Variants in DMD observed in about 807,000 individuals in gnomAD.
DMD encodes dystrophin.
DMD carries 63 observed loss-of-function variants against 330.1 expected under a neutral mutation model. That is an observed-to-expected ratio of 0.19 (90% CI 0.16 to 0.24). The LOEUF (loss-of-function observed/expected upper bound fraction) is 0.24. DMD is among the 10% of genes least tolerant of loss of function. The pLI is 1.00. For synonymous variants in DMD, 1,223 were observed against 959.8 expected (o/e 1.27, Z -5.07); for missense variants, 3,344 against 2,684.1 (o/e 1.25, Z -5.43).
At chrX:33,209,996 T>C in intron 1 of DMD, among the ~76,000 whole-genome samples, 1 of 110,198 alleles carries the variant, frequency 9.1e-6, no homozygotes, top group Non-Finnish European at 1.9e-5. Context: ...AAAATAAAAA[T>C]GTGTGTGTAT....
At chrX:32,719,688 T>C (rs2066071498) in intron 7 of DMD, among the ~76,000 whole-genome samples, 1 of 111,691 alleles carries the variant, frequency 9.0e-6, no homozygotes, top group African/African-American at 3.2e-5. Flanking sequence ...TTTGTGTTCT[T>C]ATTTAAGTTA....
Position 32,503,693 on chromosome X carries a change from T to C in DMD, c.2293-1851A>G, listed in dbSNP as rs369686579. On this transcript the variant is annotated intron_variant, in intron 18 of 78. Coordinates refer to ENST00000357033, the MANE Select transcript of DMD (RefSeq NM_004006.3). ...GCTTCAGCCTCCCGAGTAGCCGGGA[T>C]TACAGGCGTGCACCACCACGCCCAG... Among the ~76,000 whole-genome samples, 40 of 110,150 alleles carry C rather than the reference T, an allele frequency of 3.6e-4. No individual in the cohort carries two copies. The East Asian group carries it at 8.9e-3, about 25-fold the overall frequency.
chrX:33,032,602 T>C (rs942770001), intron 1 of DMD, among the ~76,000 whole-genome samples: 31 of 112,494 alleles, frequency 2.8e-4, no homozygotes, highest in African/African-American at 9.7e-4. Flanking sequence ...TCAGAATATA[T>C]TATCTTTTAA....
chrX:31,244,510 T>C (rs1478658099), intron 63 of DMD, among the ~76,000 whole-genome samples: 1 of 111,895 alleles, frequency 8.9e-6, no homozygotes, highest in Non-Finnish European at 1.9e-5. Flanking sequence ...TTCTTAAAGA[T>C]TTCCTTCCAT....
Position 32,573,650 on chromosome X carries a change from A to T in DMD, c.1705-13T>A. The T allele has an allele frequency of 8.3e-7, 1 of 1,199,313 alleles. No homozygotes were observed. Among genetic ancestry groups the T allele is most frequent in the Non-Finnish European group, 1.1e-6 (1 of 884,018 alleles). On this transcript the variant is annotated splice_polypyrimidine_tract_variant and intron_variant, in intron 14 of 78. Transcript: ENST00000357033. Reference sequence around the variant, plus strand: ...CACTAAAAAGGCACTGCAAGACATTAAAGAATTCCAAGGAATAAATAAACA... The same window carrying T: ...CACTAAAAAGGCACTGCAAGACATTTAAGAATTCCAAGGAATAAATAAACA...
intron 6 of DMD, among the ~76,000 whole-genome samples, chrX:32,815,424 A>G (rs1414202342): frequency 1.9e-5 from 2 of 103,942 alleles, no homozygotes; most frequent in Non-Finnish European, 3.9e-5. Context: ...GGTTGGGTAA[A>G]TGAAACGGGT....
At chrX:31,693,662 T>G (rs765798711) in intron 52 of DMD, among the ~76,000 whole-genome samples, 46 of 111,091 alleles carry the variant, frequency 4.1e-4, no homozygotes, top group Non-Finnish European at 7.0e-4. Flanking sequence ...AAAATAGAAA[T>G]TAAGGAAACA....
chrX:32,570,705 G>C (rs2052319720), intron 15 of DMD, among the ~76,000 whole-genome samples: 1 of 111,263 alleles, frequency 9.0e-6, no homozygotes, highest in Non-Finnish European at 1.9e-5. Flanking sequence ...GTTTTTTCTT[G>C]ATCTCGATTT....
intron 34 of DMD, among the ~76,000 whole-genome samples, chrX:32,366,151 A>T (rs2097853760): frequency 8.9e-6 from 1 of 112,349 alleles, no homozygotes; most frequent in Admixed American, 9.4e-5. Flanking sequence ...AAAAAGATAG[A>T]GAGTAGTGAT....
upstream of DMD, among the ~76,000 whole-genome samples, chrX:33,215,093 G>C (rs1038657485): frequency 9.0e-6 from 1 of 111,487 alleles, no homozygotes; most frequent in Non-Finnish European, 1.9e-5. Flanking sequence ...CTATTACTTT[G>C]AGAAGTTGAG....
chrX:33,261,964 A>G (rs2052964315), intron 1 of DMD, among the ~76,000 whole-genome samples: 2 of 110,396 alleles, frequency 1.8e-5, no homozygotes, highest in South Asian at 3.8e-4. Flanking sequence ...CACAACCACA[A>G]TGATTCAACC....
chrX:32,095,341 G>T (rs1456632892), intron 44 of DMD, among the ~76,000 whole-genome samples: 1 of 111,977 alleles, frequency 8.9e-6, no homozygotes, highest in African/African-American at 3.2e-5. Context: ...GTGGAAGTCA[G>T]AATGACAGTT....
At chrX:32,768,640 A>C (rs1194643586) in intron 7 of DMD, among the ~76,000 whole-genome samples, 1 of 111,953 alleles carries the variant, frequency 8.9e-6, no homozygotes, top group Non-Finnish European at 1.9e-5. Flanking sequence ...ACATTCCTTC[A>C]TTTTAGAAAT....
At chrX:32,553,842 G>A (rs1345094914) in intron 16 of DMD, among the ~76,000 whole-genome samples, 1 of 111,835 alleles carries the variant, frequency 8.9e-6, no homozygotes, top group Non-Finnish European at 1.9e-5. Context: ...CCTCCCCCTT[G>A]CTGCTCTCCT....
chrX:32,163,403 A>G (rs765116051), intron 44 of DMD, among the ~76,000 whole-genome samples: 2 of 112,211 alleles, frequency 1.8e-5, no homozygotes, highest in African/African-American at 6.5e-5. Flanking sequence ...CTTTCCCCAA[A>G]TGAGTTTACT....
intron 1 of DMD, among the ~76,000 whole-genome samples, chrX:33,282,797 G>A (rs112751810): frequency 0.011 from 1,253 of 112,033 alleles, 22 homozygotes; most frequent in African/African-American, 0.039. Context: ...GAAACTAGCT[G>A]GGCTGCCTTC....
intron 2 of DMD, among the ~76,000 whole-genome samples, chrX:32,988,146 C>T (rs779377305): frequency 1.6e-4 from 18 of 110,723 alleles, no homozygotes; most frequent in African/African-American, 4.9e-4. Context: ...AGAACTTCTC[C>T]GATAGAAGAA....
At chrX:32,177,347 A>T (rs1462935188) in intron 44 of DMD, among the ~76,000 whole-genome samples, 2 of 111,519 alleles carry the variant, frequency 1.8e-5, no homozygotes, top group Non-Finnish European at 3.8e-5. Flanking sequence ...GACCCGAAGG[A>T]CCCTCCAGGT....
chrX:31,916,861 C>A (rs534010372), intron 47 of DMD, among the ~76,000 whole-genome samples: 3 of 112,388 alleles, frequency 2.7e-5, no homozygotes, highest in Admixed American at 1.9e-4. Flanking sequence ...AACCCCACAA[C>A]GATCTATGTT....
Sources: allele counts gnomAD v4.1 joint callset (sites outside exome capture counted in the v4.1 genomes callset), GRCh38; gene constraint gnomAD v4.1.1; transcripts MANE v1.5; gene names NCBI Gene and HGNC (gene_info 2026-07-23, HGNC 2026-07-21).